Variants in PARD3 observed in about 807,000 individuals in gnomAD.
The protein encoded by PARD3 is par-3 family cell polarity regulator, also known as partitioning defective 3 homolog.
Under a neutral mutation model 155.4 loss-of-function variants are expected in PARD3, and 75 were observed. The ratio of observed to expected loss-of-function variants is 0.48; its 90% confidence interval spans 0.40 to 0.58. The LOEUF (loss-of-function observed/expected upper bound fraction) is 0.58, where lower values mean the gene tolerates loss of function less well. PARD3 is among the 20% of genes least tolerant of loss of function. The pLI is 0.00. For missense variants in PARD3, 1,642 were observed against 1,721.7 expected (o/e 0.95, Z 0.82); for synonymous variants, 576 against 610.5 (o/e 0.94, Z 0.83).
rs569052693 is a variant in PARD3, at chr10:34,553,863, C to A, written c.223-36704G>T. Among the ~76,000 whole-genome samples the A allele has an allele frequency of 2.0e-5, 3 of 152,306 alleles. No homozygotes were observed. In the East Asian group the frequency reaches 5.8e-4, roughly 29 times the overall value. Reference sequence around the variant, plus strand: ...TGCTTTGGAATTCTGCTGAGCAGATCCAGTGGCTGGCATCTTGAGGCTCTG... The same window carrying A: ...TGCTTTGGAATTCTGCTGAGCAGATACAGTGGCTGGCATCTTGAGGCTCTG... On this transcript the variant is annotated intron_variant, in intron 2 of 24. Transcript: ENST00000374788.
chr10:34,418,049 T>A (rs1045893794), intron 5 of PARD3, among the ~76,000 whole-genome samples: 2 of 152,116 alleles, frequency 1.3e-5, no homozygotes, highest in Admixed American at 1.3e-4. Context: ...GAAAAAGGAG[T>A]GTAATTCTAT....
At chr10:34,635,270 T>C (rs1482408200) in intron 2 of PARD3, among the ~76,000 whole-genome samples, 1 of 152,210 alleles carries the variant, frequency 6.6e-6, no homozygotes, top group African/African-American at 2.4e-5. Context: ...GCTAAAGGCA[T>C]AGGATTTCAA....
chr10:34,182,536 A>G (rs1950311887), intron 22 of PARD3, among the ~76,000 whole-genome samples: 1 of 152,134 alleles, frequency 6.6e-6, no homozygotes, highest in Admixed American at 6.5e-5. Context: ...AATTACTTGA[A>G]TTTTTGGGAC....
At chr10:34,146,532 C>T (rs1017578316) in intron 22 of PARD3, among the ~76,000 whole-genome samples, 1 of 152,190 alleles carries the variant, frequency 6.6e-6, no homozygotes, top group Non-Finnish European at 1.5e-5. Flanking sequence ...CACTTTTTCT[C>T]CCAAGCACAT....
At chr10:34,437,991 T>C (rs1165360060) in intron 5 of PARD3, among the ~76,000 whole-genome samples, 1 of 152,180 alleles carries the variant, frequency 6.6e-6, no homozygotes, top group African/African-American at 2.4e-5. Context: ...CCCACAAAAA[T>C]CTCACATAAG....
chr10:34,394,783 T>TA (rs1343094236), intron 7 of PARD3, among the ~76,000 whole-genome samples: 1 of 152,154 alleles, frequency 6.6e-6, no homozygotes, highest in Non-Finnish European at 1.5e-5. Context: ...GGCCAGGATG[T>TA]ATCATTACCG....
intron 22 of PARD3, among the ~76,000 whole-genome samples, chr10:34,221,507 C>T (rs937846966): frequency 3.3e-5 from 5 of 151,404 alleles, no homozygotes; most frequent in South Asian, 4.2e-4. Flanking sequence ...CATGACCTCA[C>T]GTACTTATTT....
intron 2 of PARD3, among the ~76,000 whole-genome samples, chr10:34,646,941 A>G (rs1292188468): frequency 1.3e-5 from 2 of 152,072 alleles, no homozygotes; most frequent in South Asian, 2.1e-4. Flanking sequence ...TTCCTCCCCA[A>G]ATTTCCATAT....
chr10:34,427,937 T>C (rs773209523), intron 5 of PARD3, among the ~76,000 whole-genome samples: 2 of 152,072 alleles, frequency 1.3e-5, no homozygotes, highest in African/African-American at 2.4e-5. Flanking sequence ...TATCACCATG[T>C]AGAGGAATGG....
chr10:34,765,794 G>A (rs1838013350), intron 1 of PARD3, among the ~76,000 whole-genome samples: 1 of 152,136 alleles, frequency 6.6e-6, no homozygotes, highest in Admixed American at 6.6e-5. Flanking sequence ...TATTAAAGTG[G>A]CTAACATCTC....
intron 2 of PARD3, among the ~76,000 whole-genome samples, chr10:34,651,571 T>C (rs1590412444): frequency 1.3e-5 from 2 of 152,312 alleles, no homozygotes; most frequent in South Asian, 2.1e-4. Context: ...GAAGAGGGGC[T>C]TGCAGTGAAG....
At chr10:34,288,631 T>C (rs1182044920) in intron 20 of PARD3, among the ~76,000 whole-genome samples, 2 of 152,218 alleles carry the variant, frequency 1.3e-5, no homozygotes, top group Non-Finnish European at 2.9e-5. Flanking sequence ...GCAATCAACC[T>C]ATGAAGACAA....
chr10:34,477,098 G>C (rs1183114780), intron 3 of PARD3, among the ~76,000 whole-genome samples: 1 of 152,060 alleles, frequency 6.6e-6, no homozygotes, highest in East Asian at 1.9e-4. Flanking sequence ...TACGTTTCTG[G>C]GGCCCATGGC....
At chr10:34,159,767 T>C (rs1334564281) in intron 22 of PARD3, among the ~76,000 whole-genome samples, 1 of 152,212 alleles carries the variant, frequency 6.6e-6, no homozygotes, top group Non-Finnish European at 1.5e-5. Context: ...AGTAGGTGAG[T>C]TCTATTATGC....
At chr10:34,803,495 A>G (rs1283645269) in intron 1 of PARD3, among the ~76,000 whole-genome samples, 1 of 152,174 alleles carries the variant, frequency 6.6e-6, no homozygotes, top group Non-Finnish European at 1.5e-5. Context: ...TCCACCATAG[A>G]AAGTTCAGGA....
chr10:34,766,438 G>A (rs1225367469), intron 1 of PARD3, among the ~76,000 whole-genome samples: 4 of 152,110 alleles, frequency 2.6e-5, no homozygotes, highest in Admixed American at 1.3e-4. Context: ...ATAAGGAAGT[G>A]TCAAATCTGA....
At chr10:34,352,954 G>A (rs1453535169) in intron 14 of PARD3, among the ~76,000 whole-genome samples, 1 of 151,402 alleles carries the variant, frequency 6.6e-6, no homozygotes, top group East Asian at 1.9e-4. Flanking sequence ...CCTCTGCCCC[G>A]CCGCCCCATC....
chr10:34,676,277 T>G (rs1273287238), intron 2 of PARD3, among the ~76,000 whole-genome samples: 1 of 152,146 alleles, frequency 6.6e-6, no homozygotes, highest in African/African-American at 2.4e-5. Context: ...AAACTGAAAT[T>G]TATATGGCTG....
rs548533774 is a variant in PARD3, at chr10:34,622,643, G to A, written c.222+73675C>T. Among the ~76,000 whole-genome samples, 22 of 152,212 alleles carry A rather than the reference G, an allele frequency of 1.4e-4. No individual in the cohort carries two copies. The East Asian group carries it at 1.7e-3, about 12-fold the overall frequency. ...TACATGGAAACACTGAATAAATTAC[G>A]GTTGAATGAATTTCTTGGACAAACT... On this transcript the variant is annotated intron_variant, in intron 2 of 24. Transcript: ENST00000374788.
Sources: gnomAD v4.1 joint callset for allele counts (sites outside exome capture counted in the v4.1 genomes callset) on GRCh38, gnomAD v4.1.1 for gene constraint, MANE v1.5 for transcripts, NCBI Gene and HGNC (gene_info 2026-07-23, HGNC 2026-07-21) for gene names.